Variants in HK3 observed in about 807,000 individuals in gnomAD.
HK3 encodes hexokinase 3.
HK3 carries 93 observed loss-of-function variants against 91.0 expected under a neutral mutation model. The ratio of observed to expected loss-of-function variants is 1.02; its 90% CI spans 0.86 to 1.21. HK3 has a LOEUF of 1.21. Among genes scored for constraint, HK3 ranks in the 50% most tolerant of loss-of-function variants. The pLI, the probability that HK3 is intolerant of heterozygous loss-of-function variation, is 0.00. For missense variants in HK3, 1,235 were observed against 1,247.4 expected (o/e 0.99, Z 0.15); for synonymous variants, 519 against 516.9 (o/e 1.00, Z -0.06).
Position 176,884,007 on chromosome 5 carries a change from A to G in HK3, c.1953+32T>C. The G allele has an allele frequency of 1.2e-6, 2 of 1,606,954 alleles. No homozygotes were observed. The highest frequency in any genetic ancestry group is 1.7e-6 in the Non-Finnish European group (2 of 1,173,606). ...CTTTGCTCCCCTCAAGGCCTGCCAC[A>G]GCCCCAAAGCACCCCTAGAACAGGC... On this transcript the variant is annotated intron_variant, in intron 14 of 18. Coordinates refer to ENST00000292432, the MANE Select transcript of HK3 (RefSeq NM_002115.3). This position sits in a 1 kb window ranked among gnomAD's most constrained non-coding sequence, Gnocchi z 4.1.
chr5:176,886,820 C>G (rs1758595740), intron 13 of HK3, among the ~76,000 whole-genome samples, 182 bp downstream of exon 13: 1 of 152,210 alleles, frequency 6.6e-6, no homozygotes, highest in Non-Finnish European at 1.5e-5. Flanking sequence ...CAGACCCTAA[C>G]CCTGGGCCTA....
At chr5:176,891,865 A>G (rs1351431593) in intron 2 of HK3, among the ~76,000 whole-genome samples, 1 of 152,122 alleles carries the variant, frequency 6.6e-6, no homozygotes. Context: ...ACCACTAATG[A>G]TTGCTCTCTG....
chr5:176,886,458 G>A (rs777752853), intron 13 of HK3, among the ~76,000 whole-genome samples: 24 of 151,860 alleles, frequency 1.6e-4, no homozygotes, highest in Non-Finnish European at 3.2e-4. Flanking sequence ...CCAGAGGCCC[G>A]GGAGGTATTG....
Position 176,891,419 on chromosome 5 carries a change from A to G in HK3, c.228T>C (p.Pro76=), listed in dbSNP as rs1248686528. 32 of 1,613,656 alleles carry G rather than the reference A, an allele frequency of 2.0e-5. No homozygotes were observed. Among genetic ancestry groups the G allele is most frequent in the Non-Finnish European group, 2.7e-5 (32 of 1,179,886 alleles). Residue 76 remains proline, a synonymous_variant, in exon 3 of 19, where the codon CCT becomes CCC. Coordinates refer to ENST00000292432, the MANE Select transcript of HK3 (RefSeq NM_002115.3). ...CATGTGGGGTGGACCCCACGTATGT[A>G]GGCAGCATCCGGACCGCAGGGGCAG... ...ASPAPAVRML[P]TYVGSTPHGT...
In HK3 at chr5:176,890,557, AG is replaced by A. The variant is rs1347723894; in HGVS notation, c.630+77del. 10 of 1,235,196 alleles carry A rather than the reference AG, an allele frequency of 8.1e-6. No individual in the cohort carries two copies. In the East Asian group the frequency reaches 2.3e-4, roughly 29 times the overall value. The allele number at this position is 1,235,196 out of a possible 1,614,324, so 76.5% of individuals were successfully genotyped here. On this transcript the variant is annotated intron_variant, in intron 6 of 18. Coordinates refer to ENST00000292432, the MANE Select transcript of HK3 (RefSeq NM_002115.3). ...AAGAGAAGAGGAAAGCAACTCTCTCAGAAGCCCAGACCCAACGCATGTGTGC... is the reference window on the plus strand; with the variant it reads ...AAGAGAAGAGGAAAGCAACTCTCTCAAAGCCCAGACCCAACGCATGTGTGC...
chr5:176,887,698 G>T lies in HK3; in HGVS notation c.1353C>A (p.Cys451Ter). ...CCACAGAGGGGATTAAGGAGACATC[G>T]CATTCCGGGGCCAGGAGCATCACTG... ...QGTVMLLAPECDVSLIPSVDG... is the reference protein window; with the variant it reads ...QGTVMLLAPE The change falls in exon 11 of 19, where the codon TGC becomes TGA. Residue 451 changes from cysteine (C) to a stop codon, truncating the protein, a stop_gained. Coordinates refer to ENST00000292432, the MANE Select transcript of HK3 (RefSeq NM_002115.3). LOFTEE classifies it high-confidence loss of function. The surrounding 1 kb of genome is among the most constrained non-coding windows in gnomAD (Gnocchi z 4.9). 6.2e-7 allele frequency: 1 copy of T among 1,613,156 alleles called. No homozygotes were observed. The highest frequency in any genetic ancestry group is 8.5e-7 in the Non-Finnish European group (1 of 1,179,328).
intron 15 of HK3, 62 bp from the exon 16 acceptor site, chr5:176,882,189 C>A (rs1396630960): frequency 6.4e-7 from 1 of 1,558,164 alleles, no homozygotes; most frequent in Non-Finnish European, 8.8e-7. Context: ...CCTCTGAGCA[C>A]TTCCCATACC....
chr5:176,881,751 C>G lies in HK3; in HGVS notation c.2334G>C (p.Gln778His). ...TGTCCCTGGTCTGAAGGCGCTGGAT[C>G]TGCTGGCCCCGGAAGAGAACGCCAA... ...TSLGVLFRGQQIQRLQTRDIF... is the reference protein window; with the variant it reads ...TSLGVLFRGQHIQRLQTRDIF... Residue 778 changes from glutamine (Q) to histidine (H), a missense_variant, in exon 17 of 19, where the codon CAG (glutamine) becomes CAC (histidine). Transcript: ENST00000292432. The G allele has an allele frequency of 1.9e-6, 3 of 1,614,172 alleles. No homozygotes were observed. The highest frequency in any genetic ancestry group is 2.5e-6 in the Non-Finnish European group (3 of 1,180,038).
Position 176,888,477 on chromosome 5 carries a change from C to G in HK3, c.1159G>C (p.Val387Leu). 6.4e-7 allele frequency: 1 copy of G among 1,553,822 alleles called. No homozygotes were observed. The highest frequency in any genetic ancestry group is 1.4e-5 in the African/African-American group (1 of 73,312). ...GCCCGCGTGCACACGGCCGCACAGA[C>G]GTGCTGCACAAGCTCAACATCCGAA... ...GASDVELVQH[V>L]CAAVCTRAAQ... The change falls in exon 10 of 19, where the codon GTC becomes CTC. Residue 387 changes from valine to leucine, a missense_variant. Physicochemically the swap from Val to Leu is conservative, Grantham distance 32. Around this residue, in one of 3 missense-constraint regions of HK3, gnomAD observed 717 missense variants for 751.6 expected, o/e 0.95. Coordinates refer to ENST00000292432, the MANE Select transcript of HK3 (RefSeq NM_002115.3).
chr5:176,894,192 T>C (rs1294469369), intron 2 of HK3, among the ~76,000 whole-genome samples: 1 of 152,068 alleles, frequency 6.6e-6, no homozygotes, highest in Admixed American at 6.5e-5. Flanking sequence ...CCCTCTCTGA[T>C]GACAAAGAGA....
chr5:176,891,169 C>T lies in HK3; in HGVS notation c.282G>A (p.Leu94=). The T allele has an allele frequency of 1.2e-6, 2 of 1,614,180 alleles. No homozygotes were observed. The highest frequency in any genetic ancestry group is 1.7e-6 in the Non-Finnish European group (2 of 1,180,050). ...HGTEQGDFVV[L]ELGATGASLR... ...GTGAGGCCCCTGTGGCCCCCAGCTC[C>T]AGCACCACGAAGTCTCCTTGCTCTG... The change falls in exon 4 of 19, where the codon CTG becomes CTA. Residue 94 remains leucine (L), a synonymous_variant. Coordinates refer to ENST00000292432, the MANE Select transcript of HK3 (RefSeq NM_002115.3).
intron 8 of HK3, among the ~76,000 whole-genome samples, chr5:176,889,152 G>A (rs1345900017): frequency 6.6e-6 from 1 of 152,198 alleles, no homozygotes; most frequent in Non-Finnish European, 1.5e-5. Context: ...AAACTGTCAG[G>A]GCAGGCCAGA....
At chr5:176,889,893 A>G in intron 6 of HK3, 149 bp from the exon 7 acceptor site, 3 of 670,488 alleles carry the variant, frequency 4.5e-6, no homozygotes, top group Non-Finnish European at 7.9e-6. Flanking sequence ...TTTGTGCCAC[A>G]GATGCTCTGG....
chr5:176,898,140 C>G (rs749053060), intron 1 of HK3, among the ~76,000 whole-genome samples: 1 of 152,214 alleles, frequency 6.6e-6, no homozygotes, highest in Non-Finnish European at 1.5e-5. Flanking sequence ...CCAGACCATC[C>G]TCCGGCCTGA....
chr5:176,895,147 T>C (rs575946743), intron 2 of HK3, among the ~76,000 whole-genome samples: 5,895 of 149,708 alleles, frequency 0.039, 285 homozygotes, highest in Middle Eastern at 0.12. Context: ...GCCACAATTT[T>C]GGCTCACTGC....
intron 5 of HK3, 23 bp from the exon 6 acceptor site, chr5:176,890,753 A>T: frequency 2.5e-6 from 4 of 1,613,824 alleles, no homozygotes; most frequent in Non-Finnish European, 3.4e-6. Flanking sequence ...AAGCTGGGTT[A>T]CTCCTCTGAC....
intron 2 of HK3, among the ~76,000 whole-genome samples, chr5:176,894,930 C>G (rs756341693): frequency 6.6e-5 from 10 of 151,530 alleles, no homozygotes; most frequent in South Asian, 2.1e-4. Flanking sequence ...GCGCCTGCCA[C>G]CATGCCCAGC....
chr5:176,884,225 G>A lies in HK3; in HGVS notation c.1858-91C>T. The stretch of plus-strand genomic sequence containing the variant: ...AAAACCTGCATCCATCACAAGCCTA[G>A]GCTTTCCACCCTCCCCAAGCACAAT... On this transcript the variant is annotated intron_variant, in intron 13 of 18. Coordinates refer to ENST00000292432, the MANE Select transcript of HK3 (RefSeq NM_002115.3). The surrounding 1 kb of genome is among the most constrained non-coding windows in gnomAD (Gnocchi z 4.1). The A allele has an allele frequency of 9.5e-7, 1 of 1,057,444 alleles. No homozygotes were observed. Among genetic ancestry groups the A allele is most frequent in the South Asian group, 1.3e-5 (1 of 78,282 alleles). 65.5% of individuals were successfully genotyped at this position (1,057,444 alleles called of 1,614,324 possible).
At chr5:176,894,262 G>A (rs776460357) in intron 2 of HK3, among the ~76,000 whole-genome samples, 1 of 152,148 alleles carries the variant, frequency 6.6e-6, no homozygotes, top group Non-Finnish European at 1.5e-5. Flanking sequence ...GGCCACACGT[G>A]GTTAACTAAC....
Sources: gnomAD v4.1 joint callset for allele counts (sites outside exome capture counted in the v4.1 genomes callset) on GRCh38, gnomAD v4.1.1 for gene constraint, gnomAD v4.1.1 regional missense constraint, Gnocchi (gnomAD v3.1) non-coding constraint, MANE v1.5 for transcripts, NCBI Gene and HGNC (gene_info 2026-07-23, HGNC 2026-07-21) for gene names.